Variants in MLLT1 observed in about 807,000 individuals in gnomAD.
MLLT1 encodes protein ENL.
In MLLT1, 11 loss-of-function variants were observed where a neutral mutation model predicts 55.1. That is an observed-to-expected ratio of 0.20 (90% confidence interval 0.13 to 0.33). The LOEUF (loss-of-function observed/expected upper bound fraction) is 0.33, where lower values mean the gene tolerates loss of function less well. Among genes scored for constraint, MLLT1 ranks in the 10% least tolerant of loss-of-function variants. The probability of loss-of-function intolerance (pLI) is 1.00; values close to 1 mark genes in which losing one functional copy is unlikely to be tolerated. For missense variants in MLLT1, 536 were observed against 760.6 expected (o/e 0.70, Z 3.47); for synonymous variants, 323 against 320.1 (o/e 1.01, Z -0.10).
intron 2 of MLLT1, among the ~76,000 whole-genome samples, chr19:6,266,043 G>A (rs2091346607): frequency 1.3e-5 from 2 of 152,138 alleles, no homozygotes; most frequent in South Asian, 2.1e-4. Flanking sequence ...CATTTTGGGA[G>A]GCCAAGGCGG....
At chr19:6,268,713 A>C (rs2091369257) in intron 2 of MLLT1, among the ~76,000 whole-genome samples, 1 of 152,180 alleles carries the variant, frequency 6.6e-6, no homozygotes, top group Non-Finnish European at 1.5e-5. Context: ...CCACAGACAG[A>C]CAGCAACAAA....
chr19:6,214,591 T>C (rs925574378), intron 8 of MLLT1, among the ~76,000 whole-genome samples: 1 of 152,120 alleles, frequency 6.6e-6, no homozygotes, highest in African/African-American at 2.4e-5. Context: ...CAACCTCCCC[T>C]ACCCTGGGGG....
chr19:6,250,264 A>G (rs942702384), intron 3 of MLLT1, among the ~76,000 whole-genome samples: 2 of 152,202 alleles, frequency 1.3e-5, no homozygotes, highest in African/African-American at 4.8e-5. Flanking sequence ...AAAACAGGAG[A>G]TAACAAATGT....
chr19:6,268,754 T>C (rs1039627326), intron 2 of MLLT1, among the ~76,000 whole-genome samples: 20 of 152,148 alleles, frequency 1.3e-4, no homozygotes, highest in African/African-American at 4.6e-4. Context: ...AAAGGCCGCC[T>C]GCAAACTGAC....
At chr19:6,255,504 G>A (rs575023571) in intron 3 of MLLT1, among the ~76,000 whole-genome samples, 1 of 151,738 alleles carries the variant, frequency 6.6e-6, no homozygotes, top group Non-Finnish European at 1.5e-5. Context: ...ACAAAACAAG[G>A]CAAAAAAACC....
Position 6,212,483 on chromosome 19 carries a change from CACAT to C in MLLT1, c.*555_*558del. On this transcript the variant is annotated 3_prime_UTR_variant, in exon 12 of 12. Transcript: ENST00000252674. ...ACTGCTCTTGACCAGACAGTGCACA[CACAT>C]ATATAATAGAGAGAACTATACAGCA... 9.4e-7 allele frequency: 1 copy of C among 1,067,406 alleles called. No individual in the cohort carries two copies. Among genetic ancestry groups the C allele is most frequent in the African/African-American group, 1.6e-5 (1 of 61,228 alleles). 66.1% of individuals were successfully genotyped at this position (1,067,406 alleles called of 1,614,324 possible).
chr19:6,272,483 C>G (rs1423799771), intron 1 of MLLT1, among the ~76,000 whole-genome samples: 1 of 152,232 alleles, frequency 6.6e-6, no homozygotes, highest in African/African-American at 2.4e-5. Context: ...GGCTCACACG[C>G]TGCCCTGTCC....
In MLLT1 at chr19:6,212,305, A is replaced by G. The variant is rs574525032; in HGVS notation, c.*737T>C. The G allele has an allele frequency of 7.5e-6, 8 of 1,065,678 alleles. No individual in the cohort carries two copies. The African/African-American group carries it at 1.3e-4, about 17-fold the overall frequency. The allele number at this position is 1,065,678 out of a possible 1,614,324, so 66.0% of individuals were successfully genotyped here. On this transcript the variant is annotated 3_prime_UTR_variant, in exon 12 of 12. Transcript: ENST00000252674. ...GCGGCATCCTTGGAACGGCAAAGGG[A>G]GAATTCCTCCATGCGCCTGGAGAGG...
Position 6,262,097 on chromosome 19 carries a change from C to G in MLLT1, c.276+131G>C. 1.4e-6 allele frequency: 1 copy of G among 713,496 alleles called. No individual in the cohort carries two copies. The highest frequency in any genetic ancestry group is 2.6e-5 in the East Asian group (1 of 37,754). The allele number at this position is 713,496 out of a possible 1,614,324, so 44.2% of individuals were successfully genotyped here. On this transcript the variant is annotated intron_variant, in intron 3 of 11. Coordinates refer to ENST00000252674, the MANE Select transcript of MLLT1 (RefSeq NM_005934.4). The surrounding 1 kb of genome is among the most constrained non-coding windows in gnomAD (Gnocchi z 4.4). ...GAATGGAGATGGTGACCAGCACCCC[C>G]CGCAGCACTCACTGGAATGTCTGTG...
chr19:6,266,174 G>A (rs1318504187), intron 2 of MLLT1, among the ~76,000 whole-genome samples: 7 of 151,414 alleles, frequency 4.6e-5, no homozygotes, highest in African/African-American at 1.5e-4. Flanking sequence ...CTACTTGGGA[G>A]GCTGAGGCAG....
chr19:6,252,415 C>G (rs1421835276), intron 3 of MLLT1, among the ~76,000 whole-genome samples: 1 of 152,226 alleles, frequency 6.6e-6, no homozygotes. Flanking sequence ...CCTCTCGTAT[C>G]TGGGTATCTA....
intron 3 of MLLT1, among the ~76,000 whole-genome samples, chr19:6,245,848 G>A (rs903726765): frequency 1.3e-5 from 2 of 152,170 alleles, no homozygotes; most frequent in Non-Finnish European, 2.9e-5. Context: ...TGTGAGCTGT[G>A]ACTGCACCAC....
At chr19:6,257,536 C>T (rs1163895496) in intron 3 of MLLT1, among the ~76,000 whole-genome samples, 1 of 152,188 alleles carries the variant, frequency 6.6e-6, no homozygotes, top group Non-Finnish European at 1.5e-5. Flanking sequence ...CATGGTGGCT[C>T]ACGCCTGTAA....
intron 5 of MLLT1, among the ~76,000 whole-genome samples, chr19:6,225,490 G>A (rs947393273): frequency 1.3e-5 from 2 of 152,210 alleles, no homozygotes; most frequent in African/African-American, 4.8e-5. Context: ...TGGTGGGGCC[G>A]ACAGCTCATT....
At chr19:6,264,918 GATCCCAGAAAGAAAAAAAGAGAGGAA>G (rs1365299442) in intron 2 of MLLT1, among the ~76,000 whole-genome samples, 8 of 142,010 alleles carry the variant, frequency 5.6e-5, no homozygotes, top group Non-Finnish European at 1.2e-4. Context: ...AAAAAATGAG[GATCCCAGAAAGAAAAAAAGAGAGGAA>G]ATAAACAGAT....
In MLLT1 at chr19:6,239,745, C is replaced by T. The variant is rs2091098315; in HGVS notation, c.277-9032G>A. Among the ~76,000 whole-genome samples the T allele has an allele frequency of 2.0e-5, 3 of 148,110 alleles. No homozygotes were observed. The South Asian group carries it at 6.2e-4, about 31-fold the overall frequency. Reference sequence around the variant, plus strand: ...CCACACTCATACACTCAGACTTACACACACACCTATGTACATATACACACC... The same window carrying T: ...CCACACTCATACACTCAGACTTACATACACACCTATGTACATATACACACC... On this transcript the variant is annotated intron_variant, in intron 3 of 11. Transcript: ENST00000252674.
chr19:6,259,808 A>AAAAAAAAAAC (rs1372479396), intron 3 of MLLT1: 50 of 151,336 alleles, frequency 3.3e-4, no homozygotes, highest in Admixed American at 5.3e-4. Flanking sequence ...TTAAAAAAAA[A>AAAAAAAAAAC]AAAAAAAAAA....
In MLLT1 at chr19:6,213,358, C is replaced by T; in HGVS notation, c.1530G>A (p.Arg510=). 1 of 1,612,304 alleles carries T rather than the reference C, an allele frequency of 6.2e-7. No homozygotes were observed. Among genetic ancestry groups the T allele is most frequent in the South Asian group, 1.1e-5 (1 of 91,084 alleles). ...VELHRRLMAL[R]ERNVLQQIVN... Reference sequence around the variant, plus strand: ...ATACCTGCTGCAGCACGTTGCGCTCCCGCAGCGCCATCAGCCTCCGGTGTA... The same window carrying T: ...ATACCTGCTGCAGCACGTTGCGCTCTCGCAGCGCCATCAGCCTCCGGTGTA... The change falls in exon 11 of 12, where the codon CGG becomes CGA. Residue 510 remains arginine (R), a synonymous_variant. Coordinates refer to ENST00000252674, the MANE Select transcript of MLLT1 (RefSeq NM_005934.4).
At chr19:6,265,678 A>G (rs1375637248) in intron 2 of MLLT1, among the ~76,000 whole-genome samples, 3 of 148,660 alleles carry the variant, frequency 2.0e-5, no homozygotes, top group Non-Finnish European at 4.5e-5. Context: ...TTCAACAACA[A>G]CAACAAAAGT....
Sources: gnomAD v4.1 joint callset for allele counts (sites outside exome capture counted in the v4.1 genomes callset) on GRCh38, gnomAD v4.1.1 for gene constraint, Gnocchi (gnomAD v3.1) non-coding constraint, MANE v1.5 for transcripts, NCBI Gene and HGNC (gene_info 2026-07-23, HGNC 2026-07-21) for gene names.